The following FSTL5 variants were observed in gnomAD, a reference collection of about 807,000 sequenced individuals.
FSTL5 encodes follistatin like 5, also known as follistatin-related protein 5.
FSTL5 carries 62 observed loss-of-function variants against 89.1 expected under a neutral mutation model. That is an observed-to-expected ratio of 0.70 (90% CI 0.57 to 0.86). FSTL5 has a LOEUF of 0.86. Among genes scored for constraint, FSTL5 ranks in the 40% least tolerant of loss-of-function variants. The pLI, the probability that FSTL5 is intolerant of heterozygous loss-of-function variation, is 0.00. For synonymous variants in FSTL5, 383 were observed against 346.2 expected (o/e 1.11, Z -1.18); for missense variants, 1,057 against 1,001.6 (o/e 1.06, Z -0.75).
At chr4:162,108,217 T>C (rs777298554) in intron 2 of FSTL5, among the ~76,000 whole-genome samples, 12 of 152,150 alleles carry the variant, frequency 7.9e-5, no homozygotes, top group Non-Finnish European at 1.6e-4. Flanking sequence ...GTGTCATTCA[T>C]TTCTATCTCA....
At chr4:161,819,043 T>G (rs1347274657) in intron 4 of FSTL5, among the ~76,000 whole-genome samples, 1 of 152,094 alleles carries the variant, frequency 6.6e-6, no homozygotes, top group Non-Finnish European at 1.5e-5. Flanking sequence ...ATAAATAAAA[T>G]GATTAAAAGT....
intron 4 of FSTL5, among the ~76,000 whole-genome samples, chr4:161,856,319 T>C (rs193213209): frequency 3.3e-5 from 5 of 152,120 alleles, no homozygotes; most frequent in Admixed American, 3.3e-4. Flanking sequence ...GTAGAAAATA[T>C]CACAAACAAG....
intron 4 of FSTL5, among the ~76,000 whole-genome samples, chr4:161,839,140 C>G (rs1010909217): frequency 6.6e-6 from 1 of 150,990 alleles, no homozygotes; most frequent in Non-Finnish European, 1.5e-5. Context: ...TTTTATTTTC[C>G]GATGCTAGAA....
At chr4:161,405,919 C>A (rs1731359775) in intron 15 of FSTL5, among the ~76,000 whole-genome samples, 1 of 152,100 alleles carries the variant, frequency 6.6e-6, no homozygotes, top group African/African-American at 2.4e-5. Context: ...ACCAAGAATT[C>A]CATATCTCAC....
chr4:161,965,049 C>T (rs1466457819), intron 3 of FSTL5, among the ~76,000 whole-genome samples: 2 of 152,086 alleles, frequency 1.3e-5, no homozygotes, highest in African/African-American at 4.8e-5. Flanking sequence ...AGCATCATTA[C>T]AGCTAAAAGG....
At chr4:161,885,023 A>G (rs908370130) in intron 4 of FSTL5, among the ~76,000 whole-genome samples, 13 of 152,204 alleles carry the variant, frequency 8.5e-5, no homozygotes, top group African/African-American at 2.9e-4. Flanking sequence ...TTAGGGAGAC[A>G]TTTCTTGGTG....
intron 10 of FSTL5, among the ~76,000 whole-genome samples, chr4:161,517,133 C>T (rs1730870673): frequency 6.6e-6 from 1 of 152,116 alleles, no homozygotes; most frequent in South Asian, 2.1e-4. Context: ...AGGTAATCTG[C>T]CTGCCTCGGC....
intron 7 of FSTL5, among the ~76,000 whole-genome samples, chr4:161,591,538 C>A (rs1733822169): frequency 1.3e-5 from 2 of 151,934 alleles, no homozygotes; most frequent in South Asian, 2.1e-4. Context: ...AATAAATATG[C>A]CATAATAAAA....
intron 1 of FSTL5, among the ~76,000 whole-genome samples, chr4:162,122,186 C>T (rs1731895212): frequency 6.6e-6 from 1 of 151,928 alleles, no homozygotes; most frequent in Non-Finnish European, 1.5e-5. Flanking sequence ...CAAAACTGTA[C>T]CAATTCAGAA....
intron 5 of FSTL5, among the ~76,000 whole-genome samples, chr4:161,764,881 T>C (rs1471744270): frequency 6.6e-6 from 1 of 152,204 alleles, no homozygotes; most frequent in African/African-American, 2.4e-5. Flanking sequence ...ATAGTTACCT[T>C]GTGTTTGTTA....
At chr4:161,572,118 A>C (rs1002405308) in intron 8 of FSTL5, among the ~76,000 whole-genome samples, 6 of 152,002 alleles carry the variant, frequency 3.9e-5, no homozygotes, top group African/African-American at 1.4e-4. Context: ...AAGACCATCC[A>C]GACCAGCCTG....
chr4:161,822,266 G>A (rs1730516533), intron 4 of FSTL5, among the ~76,000 whole-genome samples: 2 of 152,180 alleles, frequency 1.3e-5, no homozygotes, highest in Non-Finnish European at 2.9e-5. Context: ...TGGTGCCTTT[G>A]CCTGAGTTTT....
At chr4:161,746,493 G>C (rs557897108) in intron 6 of FSTL5, among the ~76,000 whole-genome samples, 1 of 152,144 alleles carries the variant, frequency 6.6e-6, no homozygotes, top group African/African-American at 2.4e-5. Flanking sequence ...TGGGGTAAGG[G>C]GCTTGACTGT....
At chr4:161,933,305 T>G (rs1192887845) in intron 3 of FSTL5, among the ~76,000 whole-genome samples, 5 of 152,092 alleles carry the variant, frequency 3.3e-5, no homozygotes, top group Non-Finnish European at 5.9e-5. Context: ...TTGGTGACTG[T>G]CCTTGTTTCT....
At chr4:161,975,269 C>A (rs940539741) in intron 3 of FSTL5, among the ~76,000 whole-genome samples, 24 of 148,718 alleles carry the variant, frequency 1.6e-4, no homozygotes, top group African/African-American at 5.7e-4. Flanking sequence ...ACCCAAAGGA[C>A]TATAAATCAT....
intron 3 of FSTL5, among the ~76,000 whole-genome samples, chr4:161,945,007 G>C (rs1734696996): frequency 6.6e-6 from 1 of 151,922 alleles, no homozygotes; most frequent in Admixed American, 6.6e-5. Flanking sequence ...CATAATCTCA[G>C]AAAATACATG....
intron 15 of FSTL5, chr4:161,387,189 C>A (rs1730676776): frequency 6.6e-6 from 1 of 151,914 alleles, no homozygotes; most frequent in Non-Finnish European, 1.5e-5. Context: ...ACACAAGCAA[C>A]TTTCTAGCAA....
At chr4:161,755,828 T>G (rs972770726) in intron 6 of FSTL5, among the ~76,000 whole-genome samples, 1 of 152,106 alleles carries the variant, frequency 6.6e-6, no homozygotes, top group African/African-American at 2.4e-5. Flanking sequence ...GTGTTATACA[T>G]TTTTTATTCA....
chr4:161,747,568 T>C (rs10517753), intron 6 of FSTL5, among the ~76,000 whole-genome samples: 24,628 of 152,200 alleles, frequency 0.16, 2,047 homozygotes, highest in Middle Eastern at 0.24. Flanking sequence ...ATTTGTAATC[T>C]GCAACTTCTG....
Sources: gnomAD v4.1 joint callset for allele counts (sites outside exome capture counted in the v4.1 genomes callset) on GRCh38, gnomAD v4.1.1 for gene constraint, MANE v1.5 for transcripts, NCBI Gene and HGNC (gene_info 2026-07-23, HGNC 2026-07-21) for gene names.